Variants in HELZ observed in about 807,000 individuals in gnomAD.
The protein encoded by HELZ is helicase with zinc finger.
In HELZ, 23 loss-of-function variants were observed where a neutral mutation model predicts 218.2. That is an observed-to-expected ratio of 0.11 (90% CI 0.08 to 0.15). The LOEUF (loss-of-function observed/expected upper bound fraction) is 0.15. Among genes scored for constraint, HELZ ranks in the 10% least tolerant of loss-of-function variants. The probability of loss-of-function intolerance (pLI) is 1.00; values close to 1 mark genes in which losing one functional copy is unlikely to be tolerated. For missense variants in HELZ, 1,813 were observed against 2,353.7 expected (o/e 0.77, Z 4.75); for synonymous variants, 814 against 829.4 (o/e 0.98, Z 0.32).
chr17:67,079,469 G>A (rs1480344619), intron 32 of HELZ, among the ~76,000 whole-genome samples: 6 of 151,990 alleles, frequency 3.9e-5, no homozygotes, highest in Non-Finnish European at 7.4e-5. Flanking sequence ...TCTCTAGACC[G>A]TGATGTTCCA....
chr17:67,105,376 C>T (rs76082932), intron 31 of HELZ, among the ~76,000 whole-genome samples: 5,884 of 152,090 alleles, frequency 0.039, 392 homozygotes, highest in African/African-American at 0.13. Context: ...ATATAAAAGG[C>T]CACATAATGT....
chr17:67,190,500 G>C, intron 9 of HELZ, 145 bp from the exon 10 acceptor site: 1 of 631,972 alleles, frequency 1.6e-6, no homozygotes, highest in Non-Finnish European at 2.8e-6. Context: ...CTTGTACAAA[G>C]GAGGGAGAAG....
In HELZ at chr17:67,191,482, C is replaced by T. The variant is rs537559281; in HGVS notation, c.558-1127G>A. Among the ~76,000 whole-genome samples, 8 of 152,014 alleles carry T rather than the reference C, an allele frequency of 5.3e-5. No homozygotes were observed. In the South Asian group the frequency reaches 6.2e-4, roughly 12 times the overall value. ...TAATTTTTTTTTTTGGAGATAGTCT[C>T]GCTCTGTTGCCCAGGCTAGAGCGCA... On this transcript the variant is annotated intron_variant, in intron 9 of 32. Transcript: ENST00000358691.
intron 3 of HELZ, among the ~76,000 whole-genome samples, chr17:67,235,747 C>T (rs1009075032): frequency 7.5e-6 from 1 of 133,024 alleles, no homozygotes; most frequent in Non-Finnish European, 1.6e-5. Flanking sequence ...TGACCACACA[C>T]TCTTTTTTTT....
intron 3 of HELZ, among the ~76,000 whole-genome samples, chr17:67,225,751 C>G (rs1288026953): frequency 2.0e-5 from 3 of 152,144 alleles, no homozygotes; most frequent in Non-Finnish European, 4.4e-5. Context: ...TATCCCATCC[C>G]TAACTTACTT....
rs550191263 is a variant in HELZ at position 67,078,330 on chromosome 17, G to A, written c.5751C>T (p.Ser1917=). The A allele has an allele frequency of 5.0e-6, 8 of 1,614,046 alleles. No individual in the cohort carries two copies. The highest frequency in any genetic ancestry group is 1.3e-5 in the African/African-American group (1 of 75,046). The part of the protein sequence containing the change: ...RPPPEQAKKS[S]DPLSLFQELS... ...GTTCCTGGAAGAGAGACAGAGGGTC[G>A]CTACTCTTCTTGGCCTGCTCAGGAG... is the stretch of plus-strand genomic sequence containing the variant. Residue 1917 remains serine (S), a synonymous_variant, in exon 33 of 33, where the codon AGC becomes AGT. Transcript: ENST00000358691.
At chr17:67,201,474 A>G (rs1184630543) in intron 6 of HELZ, among the ~76,000 whole-genome samples, 2 of 152,200 alleles carry the variant, frequency 1.3e-5, no homozygotes, top group East Asian at 3.9e-4. Context: ...AACAGGTACC[A>G]CCACAGAACA....
chr17:67,108,505 T>C lies in HELZ; in HGVS notation c.4711A>G (p.Thr1571Ala). 1 of 1,613,682 alleles carries C rather than the reference T, an allele frequency of 6.2e-7. No homozygotes were observed. Among genetic ancestry groups the C allele is most frequent in the South Asian group, 1.1e-5 (1 of 91,070 alleles). Residue 1571 changes from threonine to alanine, a missense_variant, in exon 30 of 33, where the codon ACC (threonine) becomes GCC (alanine). By Grantham distance (58) the Thr-to-Ala change is moderately conservative. This residue lies in a region of HELZ where 938 missense variants were observed against 1,027.5 expected (regional missense o/e 0.91). Coordinates refer to ENST00000358691, the MANE Select transcript of HELZ (RefSeq NM_014877.4). The surrounding 1 kb of genome is among the most constrained non-coding windows in gnomAD (Gnocchi z 4.1). ...CCGCTGGAATACCTTGAGTATGTGGTCTCCACTTCATCTTCGGCACTGCTG... is the reference window on the plus strand; with the variant it reads ...CCGCTGGAATACCTTGAGTATGTGGCCTCCACTTCATCTTCGGCACTGCTG... ...LTSSAEDEVE[T>A]TYSRFQDLIR...
chr17:67,196,774 C>A (rs544174617), intron 7 of HELZ, among the ~76,000 whole-genome samples: 1 of 152,206 alleles, frequency 6.6e-6, no homozygotes, highest in Non-Finnish European at 1.5e-5. Flanking sequence ...CTTCAGTGCT[C>A]CTTATCACAA....
intron 24 of HELZ, among the ~76,000 whole-genome samples, chr17:67,125,899 G>A (rs1050653104): frequency 2.0e-5 from 3 of 152,144 alleles, no homozygotes; most frequent in Non-Finnish European, 4.4e-5. Context: ...GGGAAAGGAG[G>A]ATTCAATGCA....
At position 67,149,875 on chromosome 17, in the gene HELZ, G is replaced by C; in HGVS notation, c.2467C>G (p.His823Asp). The part of the protein sequence containing the change: ...QNTRIVLAGD[H>D]MQLSPFVYSE... ...ACTCAGAGGGCACTTACCTGCATGTGATCACCAGCCAAGACAATCCGAGTG... is the reference window on the plus strand; with the variant it reads ...ACTCAGAGGGCACTTACCTGCATGTCATCACCAGCCAAGACAATCCGAGTG... The change falls in exon 19 of 33, where the codon CAC becomes GAC. Residue 823 changes from histidine to aspartate, a missense_variant. By Grantham distance (81) the His-to-Asp change is moderately conservative. Around this residue, in one of 4 missense-constraint regions of HELZ, gnomAD observed 714 missense variants for 1,029.2 expected, o/e 0.69. Transcript: ENST00000358691. The C allele has an allele frequency of 6.2e-7, 1 of 1,600,144 alleles. No homozygotes were observed. The highest frequency in any genetic ancestry group is 8.5e-7 in the Non-Finnish European group (1 of 1,170,772).
In HELZ at chr17:67,109,762, A is replaced by G. The variant is rs1383304723; in HGVS notation, c.3919-76T>C. 7 of 1,040,332 alleles carry G rather than the reference A, an allele frequency of 6.7e-6. No individual in the cohort carries two copies. The Admixed American group carries it at 1.6e-4, about 23-fold the overall frequency. 64.4% of individuals were successfully genotyped at this position (1,040,332 alleles called of 1,614,324 possible). ...TGCTCTCCACCTTTTCCCAACCCTAACACATCTAAAGGATATGATACATTG... is the reference window on the plus strand; with the variant it reads ...TGCTCTCCACCTTTTCCCAACCCTAGCACATCTAAAGGATATGATACATTG... On this transcript the variant is annotated intron_variant, in intron 28 of 32. Transcript: ENST00000358691.
At chr17:67,151,399 C>A (rs1356729980) in intron 17 of HELZ, among the ~76,000 whole-genome samples, 175 bp from the exon 18 acceptor site, 2 of 152,082 alleles carry the variant, frequency 1.3e-5, no homozygotes, top group Non-Finnish European at 2.9e-5. Context: ...CCACTATAAC[C>A]ACTGTGACTC....
Position 67,139,591 on chromosome 17 carries a change from G to A in HELZ, c.2770-1477C>T, listed in dbSNP as rs543421631. ...CTCCCAGAAAAACATCTTCTAAGCT[G>A]GTCAAAATTAGCAAAGACAATCATT... On this transcript the variant is annotated intron_variant, in intron 21 of 32. Coordinates refer to ENST00000358691, the MANE Select transcript of HELZ (RefSeq NM_014877.4). 5.3e-5 allele frequency among the ~76,000 whole-genome samples: 8 copies of A among 152,190 alleles called. No individual in the cohort carries two copies. In the South Asian group the frequency reaches 1.7e-3, roughly 32 times the overall value.
In HELZ at chr17:67,188,433, C is replaced by A; in HGVS notation, c.1048G>T (p.Gly350Trp). Residue 350 changes from glycine to tryptophan, a missense_variant, in exon 12 of 33, where the codon GGG becomes TGG. By Grantham distance (184) the Gly-to-Trp change is radical (BLOSUM62 -2). Around this residue, in one of 4 missense-constraint regions of HELZ, gnomAD observed 714 missense variants for 1,029.2 expected, o/e 0.69. Coordinates refer to ENST00000358691, the MANE Select transcript of HELZ (RefSeq NM_014877.4). The surrounding 1 kb of genome is among the most constrained non-coding windows in gnomAD (Gnocchi z 4.1). ...NGLDHYVYKV[G>W]IAFNTEIFGT... ...AATATTTCTGTGTTAAATGCTATCCCGACTTTATACACGTAATGATCTAAT... is the reference window on the plus strand; with the variant it reads ...AATATTTCTGTGTTAAATGCTATCCAGACTTTATACACGTAATGATCTAAT... 1 of 1,613,882 alleles carries A rather than the reference C, an allele frequency of 6.2e-7. No individual in the cohort carries two copies. The highest frequency in any genetic ancestry group is 8.5e-7 in the Non-Finnish European group (1 of 1,179,842).
upstream of HELZ, chr17:67,245,812 T>A (rs1478251596): frequency 6.6e-6 from 1 of 152,148 alleles, no homozygotes; most frequent in Non-Finnish European, 1.5e-5. Flanking sequence ...TGCAACTTTT[T>A]ACCCCTTGTT....
At position 67,188,144 on chromosome 17, in the gene HELZ, G is replaced by A. The variant is rs2039806506; in HGVS notation, c.1162+175C>T. On this transcript the variant is annotated intron_variant, in intron 12 of 32. Transcript: ENST00000358691. The surrounding 1 kb of genome is among the most constrained non-coding windows in gnomAD (Gnocchi z 4.1). Reference sequence around the variant, plus strand: ...ACCTGGTGGCTCTGTGAAGAAATCAGGGCACAGTGTGAATCATTATAAGCC... The same window carrying A: ...ACCTGGTGGCTCTGTGAAGAAATCAAGGCACAGTGTGAATCATTATAAGCC... 3.4e-6 allele frequency: 2 copies of A among 592,100 alleles called. No homozygotes were observed. The highest frequency in any genetic ancestry group is 3.0e-5 in the East Asian group (1 of 33,744). The allele number at this position is 592,100 out of a possible 1,614,324, so 36.7% of individuals were successfully genotyped here. A position where few individuals can be genotyped will look rare whatever the true frequency, so the allele number is the denominator to read the frequency against.
At chr17:67,103,918 TG>T (rs1477561842) in intron 31 of HELZ, among the ~76,000 whole-genome samples, 1 of 152,158 alleles carries the variant, frequency 6.6e-6, no homozygotes, top group Non-Finnish European at 1.5e-5. Flanking sequence ...TGAAATACAA[TG>T]GAGAATCCAC....
chr17:67,160,199 A>G (rs2038957399), intron 17 of HELZ, 62 bp downstream of exon 17: 2 of 977,544 alleles, frequency 2.0e-6, no homozygotes, highest in Non-Finnish European at 3.2e-6. Flanking sequence ...ATCTTTACAG[A>G]CACCTTTTCT....
Sources: allele counts gnomAD v4.1 joint callset (sites outside exome capture counted in the v4.1 genomes callset), GRCh38; gene constraint gnomAD v4.1.1; regional missense constraint gnomAD v4.1.1; non-coding constraint Gnocchi (gnomAD v3.1); transcripts MANE v1.5; gene names NCBI Gene and HGNC (gene_info 2026-07-23, HGNC 2026-07-21).